MAGI1: variants seen among roughly 807,000 people sequenced by gnomAD.
MAGI1 encodes the protein membrane associated guanylate kinase, WW and PDZ domain containing 1.
MAGI1 carries 58 observed loss-of-function variants against 139.9 expected under a neutral mutation model. The observed-to-expected ratio is 0.41, with a 90% CI of 0.34 to 0.52. The LOEUF is 0.52. Among genes scored for constraint, MAGI1 ranks in the 20% least tolerant of loss-of-function variants. The probability of loss-of-function intolerance (pLI) is 0.12; values close to 1 mark genes in which losing one functional copy is unlikely to be tolerated. For synonymous variants in MAGI1, 812 were observed against 737.9 expected (o/e 1.10, Z -1.63); for missense variants, 1,874 against 1,901.6 (o/e 0.99, Z 0.27).
chr3:65,659,744 A>T (rs998582429), intron 1 of MAGI1, among the ~76,000 whole-genome samples: 4 of 152,178 alleles, frequency 2.6e-5, no homozygotes, highest in African/African-American at 9.6e-5. Context: ...TCCTTCTTGC[A>T]ATGGGGCCAA....
At chr3:65,542,361 T>A (rs1448934309) in intron 2 of MAGI1, among the ~76,000 whole-genome samples, 1 of 152,178 alleles carries the variant, frequency 6.6e-6, no homozygotes, top group Non-Finnish European at 1.5e-5. Flanking sequence ...AAGTTTTAGA[T>A]TCAATGCTAT....
intron 1 of MAGI1, among the ~76,000 whole-genome samples, chr3:65,881,263 A>C (rs2060316758): frequency 6.6e-6 from 1 of 152,196 alleles, no homozygotes; most frequent in Non-Finnish European, 1.5e-5. Flanking sequence ...CAATACTCTT[A>C]GATAAGAGAG....
chr3:66,019,123 C>T (rs1315876135), intron 1 of MAGI1, among the ~76,000 whole-genome samples: 3 of 152,182 alleles, frequency 2.0e-5, no homozygotes, highest in Admixed American at 6.5e-5. Flanking sequence ...CAAGTGATTA[C>T]ACTCCAGTGG....
intron 1 of MAGI1, among the ~76,000 whole-genome samples, chr3:65,701,581 TTTC>T (rs1196618838): frequency 1.3e-5 from 2 of 152,126 alleles, no homozygotes; most frequent in Non-Finnish European, 2.9e-5. Context: ...AAGGTTCACT[TTTC>T]TTTTTTTTTT....
intron 1 of MAGI1, among the ~76,000 whole-genome samples, chr3:65,694,460 T>A (rs942446445): frequency 1.3e-5 from 2 of 152,148 alleles, no homozygotes; most frequent in South Asian, 4.1e-4. Context: ...TATGAAGTGT[T>A]CTCATCACCA....
At position 65,762,722 on chromosome 3, in the gene MAGI1, T is replaced by A. The variant is rs1426400477; in HGVS notation, c.314-140634A>T. ...CCTCTACATGATTTTCTCATTGAATTCTTACACCACCCACTGACATAGGTA... is the reference window on the plus strand; with the variant it reads ...CCTCTACATGATTTTCTCATTGAATACTTACACCACCCACTGACATAGGTA... On this transcript the variant is annotated intron_variant, in intron 1 of 22. Transcript: ENST00000402939. Among the ~76,000 whole-genome samples, 4 of 1,378 alleles carry A rather than the reference T, an allele frequency of 2.9e-3. No homozygotes were observed. The East Asian group carries it at 0.4, about 138-fold the overall frequency. The allele number at this position is 1,378 out of a possible 152,430, so 0.9% of individuals were successfully genotyped here.
intron 2 of MAGI1, among the ~76,000 whole-genome samples, chr3:65,529,605 A>T (rs1331220148): frequency 6.6e-6 from 1 of 152,192 alleles, no homozygotes; most frequent in Non-Finnish European, 1.5e-5. Flanking sequence ...TTATCTATTC[A>T]TCAGTTGATG....
At chr3:65,989,415 CAT>C (rs1444237314) in intron 1 of MAGI1, among the ~76,000 whole-genome samples, 11 of 152,258 alleles carry the variant, frequency 7.2e-5, no homozygotes, top group African/African-American at 2.6e-4. Flanking sequence ...TATCTTCCCA[CAT>C]GAGTCTAATG....
intron 2 of MAGI1, among the ~76,000 whole-genome samples, chr3:65,544,544 T>C (rs2079409635): frequency 6.6e-6 from 1 of 152,174 alleles, no homozygotes. Context: ...TAATAAATCT[T>C]ACCTAGCATG....
Position 65,965,292 on chromosome 3 carries a change from C to A in MAGI1, c.313+72704G>T, listed in dbSNP as rs900493179. ...TCCTGACTTTTGCCACATATGGGTA[C>A]CACTTCTACTATTCCACGTTACCCT... On this transcript the variant is annotated intron_variant, in intron 1 of 22. Transcript: ENST00000402939. Among the ~76,000 whole-genome samples, 119 of 152,186 alleles carry A rather than the reference C, an allele frequency of 7.8e-4. 1 individual carries two copies. Among genetic ancestry groups the A allele is most frequent in the African/African-American group, 2.7e-3 (113 of 41,446 alleles).
intron 1 of MAGI1, among the ~76,000 whole-genome samples, chr3:65,649,719 C>T (rs2085477191): frequency 6.6e-6 from 1 of 152,040 alleles, no homozygotes; most frequent in South Asian, 2.1e-4. Context: ...GAACTTTTCA[C>T]TAAAGAAGAT....
At chr3:65,948,890 A>G (rs1295673808) in intron 1 of MAGI1, among the ~76,000 whole-genome samples, 1 of 152,216 alleles carries the variant, frequency 6.6e-6, no homozygotes, top group Admixed American at 6.5e-5. Flanking sequence ...TATGCAGTTC[A>G]ATTTTATGTC....
intron 1 of MAGI1, among the ~76,000 whole-genome samples, chr3:65,714,840 C>CT (rs1365835354): frequency 6.6e-6 from 1 of 152,120 alleles, no homozygotes; most frequent in Non-Finnish European, 1.5e-5. Context: ...TCTGAAATTT[C>CT]TGTTTACCAC....
At chr3:65,906,357 T>C (rs577133868) in intron 1 of MAGI1, among the ~76,000 whole-genome samples, 1 of 152,144 alleles carries the variant, frequency 6.6e-6, no homozygotes, top group African/African-American at 2.4e-5. Flanking sequence ...AGGGAAGGAA[T>C]TTCAGCCCAG....
chr3:65,493,569 T>C lies in MAGI1; in HGVS notation c.493A>G (p.Lys165Glu). 1 of 1,614,190 alleles carries C rather than the reference T, an allele frequency of 6.2e-7. No homozygotes were observed. The highest frequency in any genetic ancestry group is 1.1e-5 in the South Asian group (1 of 91,086). Residue 165 changes from lysine to glutamate, a missense_variant, in exon 3 of 23, where the codon AAG becomes GAG. By Grantham distance (56) the Lys-to-Glu change is moderately conservative. Transcript: ENST00000402939. ...CTCTGCTCGAGGTCCAAGAACTCCTTCACAGTCAGAAAGTTATAGTCCACG... is the reference window on the plus strand; with the variant it reads ...CTCTGCTCGAGGTCCAAGAACTCCTCCACAGTCAGAAAGTTATAGTCCACG... ...PGVDYNFLTVKEFLDLEQSGT... is the reference protein window; with the variant it reads ...PGVDYNFLTVEEFLDLEQSGT...
intron 1 of MAGI1, among the ~76,000 whole-genome samples, chr3:66,037,319 A>G (rs1011889835): frequency 6.6e-6 from 1 of 152,170 alleles, no homozygotes; most frequent in Non-Finnish European, 1.5e-5. Flanking sequence ...AATGACGATG[A>G]TGGTGGTGGT....
At chr3:65,636,510 A>T (rs566825792) in intron 1 of MAGI1, among the ~76,000 whole-genome samples, 1 of 152,314 alleles carries the variant, frequency 6.6e-6, no homozygotes, top group South Asian at 2.1e-4. Flanking sequence ...GCCATATGCC[A>T]ATCTTGACAA....
chr3:65,899,285 A>C (rs1386233073), intron 1 of MAGI1, among the ~76,000 whole-genome samples: 2 of 152,240 alleles, frequency 1.3e-5, no homozygotes, highest in Non-Finnish European at 2.9e-5. Context: ...CACAGTGGAA[A>C]AAGTAAAATG....
At chr3:66,013,068 G>A (rs2067415369) in intron 1 of MAGI1, among the ~76,000 whole-genome samples, 2 of 152,248 alleles carry the variant, frequency 1.3e-5, no homozygotes, top group African/African-American at 4.8e-5. Context: ...GAGGGTCACA[G>A]TTTTAAATTT....
Sources: allele counts gnomAD v4.1 joint callset (sites outside exome capture counted in the v4.1 genomes callset), GRCh38; gene constraint gnomAD v4.1.1; transcripts MANE v1.5; gene names NCBI Gene and HGNC (gene_info 2026-07-23, HGNC 2026-07-21).